TMEFF2: variants seen among roughly 807,000 people sequenced by gnomAD.
TMEFF2 encodes tomoregulin-2.
Under a neutral mutation model 53.8 loss-of-function variants are expected in TMEFF2, and 28 were observed. That is an observed-to-expected ratio of 0.52 (90% CI 0.39 to 0.71). The LOEUF (loss-of-function observed/expected upper bound fraction) is 0.71. TMEFF2 is among the 30% of genes least tolerant of loss of function. The pLI, the probability that TMEFF2 is intolerant of heterozygous loss-of-function variation, is 0.00. For missense variants in TMEFF2, 353 were observed against 455.2 expected (o/e 0.78, Z 2.04); for synonymous variants, 162 against 166.3 (o/e 0.97, Z 0.20).
intron 4 of TMEFF2, among the ~76,000 whole-genome samples, chr2:192,081,184 G>C (rs937536144): frequency 1.3e-5 from 2 of 152,194 alleles, no homozygotes; most frequent in African/African-American, 4.8e-5. Flanking sequence ...GTAGCAGCTT[G>C]CTGCATAGCT....
chr2:191,976,824 T>G (rs751246178), intron 7 of TMEFF2, among the ~76,000 whole-genome samples: 1 of 152,186 alleles, frequency 6.6e-6, no homozygotes, highest in African/African-American at 2.4e-5. Context: ...CTATACACAC[T>G]TATGAAGTAA....
chr2:192,100,202 C>T (rs1689002860), intron 4 of TMEFF2, among the ~76,000 whole-genome samples: 1 of 152,088 alleles, frequency 6.6e-6, no homozygotes, highest in East Asian at 1.9e-4. Flanking sequence ...TTAAAATACA[C>T]TGCGCACATT....
At chr2:192,075,310 T>TAA (rs1420069208) in intron 4 of TMEFF2, among the ~76,000 whole-genome samples, 19 of 74,894 alleles carry the variant, frequency 2.5e-4, no homozygotes, top group African/African-American at 4.4e-4. Flanking sequence ...TATATATATA[T>TAA]ATATATATAT....
intron 5 of TMEFF2, chr2:192,035,376 C>T (rs1380645358): frequency 6.6e-6 from 1 of 152,212 alleles, no homozygotes; most frequent in African/African-American, 2.4e-5. Context: ...AGCAGCATCC[C>T]ATAACACAGT....
At chr2:191,951,341 C>G (rs1442166675) in intron 9 of TMEFF2, among the ~76,000 whole-genome samples, 1 of 136,872 alleles carries the variant, frequency 7.3e-6, no homozygotes, top group Non-Finnish European at 1.7e-5. Context: ...TGAAACATGT[C>G]TCCAAATGTC....
At chr2:192,080,183 G>A (rs1688519898) in intron 4 of TMEFF2, among the ~76,000 whole-genome samples, 1 of 152,100 alleles carries the variant, frequency 6.6e-6, no homozygotes, top group Non-Finnish European at 1.5e-5. Flanking sequence ...CACATTTCTT[G>A]GACACTGATA....
At chr2:192,164,510 A>G (rs995098005) in intron 4 of TMEFF2, among the ~76,000 whole-genome samples, 2 of 152,116 alleles carry the variant, frequency 1.3e-5, no homozygotes. Context: ...CAGGTGGATC[A>G]CGAGGTCAGG....
intron 4 of TMEFF2, among the ~76,000 whole-genome samples, chr2:192,164,061 C>T (rs1474913680): frequency 2.0e-5 from 3 of 152,124 alleles, no homozygotes; most frequent in Non-Finnish European, 4.4e-5. Context: ...CCTACTCTTG[C>T]CTCATCTACA....
intron 7 of TMEFF2, among the ~76,000 whole-genome samples, chr2:191,983,583 A>G (rs762827408): frequency 6.6e-6 from 1 of 152,160 alleles, no homozygotes; most frequent in Non-Finnish European, 1.5e-5. Flanking sequence ...GCCTGGTAGA[A>G]TGATTATAAC....
chr2:192,152,503 T>C (rs1690412173), intron 4 of TMEFF2, among the ~76,000 whole-genome samples: 1 of 151,930 alleles, frequency 6.6e-6, no homozygotes, highest in Non-Finnish European at 1.5e-5. Flanking sequence ...GTAAAAGTAA[T>C]GAGTGGCCCC....
intron 4 of TMEFF2, among the ~76,000 whole-genome samples, chr2:192,091,489 A>G (rs538612923): frequency 2.2e-3 from 339 of 152,294 alleles, no homozygotes; most frequent in African/African-American, 7.9e-3. Flanking sequence ...AAAGAAAAAC[A>G]ATATTTACTT....
At chr2:191,974,759 T>A (rs1401609609) in intron 7 of TMEFF2, among the ~76,000 whole-genome samples, 1 of 152,134 alleles carries the variant, frequency 6.6e-6, no homozygotes, top group Admixed American at 6.6e-5. Context: ...TCAGTGTGGG[T>A]CATTGTAAGT....
chr2:192,127,838 G>A (rs1037570453), intron 4 of TMEFF2, among the ~76,000 whole-genome samples: 1 of 152,056 alleles, frequency 6.6e-6, no homozygotes, highest in Non-Finnish European at 1.5e-5. Context: ...TTAAAACTAC[G>A]TAAGAAATGT....
intron 4 of TMEFF2, among the ~76,000 whole-genome samples, chr2:192,088,222 C>T (rs1429542082): frequency 6.6e-6 from 1 of 151,610 alleles, no homozygotes; most frequent in Non-Finnish European, 1.5e-5. Flanking sequence ...TCCAAGGAAG[C>T]TAAATTGTGC....
intron 8 of TMEFF2, 149 bp downstream of exon 8, chr2:191,956,106 G>A: frequency 5.1e-6 from 3 of 587,840 alleles, no homozygotes; most frequent in Non-Finnish European, 8.3e-6. Context: ...GTGTGTATGT[G>A]TGTATGCATG....
rs1686299977 is a variant in TMEFF2 at position 191,999,283 on chromosome 2, A to G, written c.537-75T>C. On this transcript the variant is annotated intron_variant, in intron 5 of 9. Transcript: ENST00000272771. ...ACATTATAAATAAAACACAAATGAA[A>G]GAATTGCTAAGTTGACAAAATGCAA... is the stretch of plus-strand genomic sequence containing the variant. 1.2e-5 allele frequency: 15 copies of G among 1,301,722 alleles called. No individual in the cohort carries two copies. The South Asian group carries it at 3.0e-4, about 26-fold the overall frequency. 80.6% of individuals were successfully genotyped at this position (1,301,722 alleles called of 1,614,324 possible).
chr2:192,075,316 T>TATATAAATATAA (rs1688401533), intron 4 of TMEFF2, among the ~76,000 whole-genome samples: 1 of 120,572 alleles, frequency 8.3e-6, no homozygotes, highest in Non-Finnish European at 1.7e-5. Flanking sequence ...TATATATATA[T>TATATAAATATAA]ATATATATAT....
In TMEFF2 at chr2:192,036,739, C is replaced by T. The variant is rs566261516; in HGVS notation, c.536+20940G>A. 3.9e-5 allele frequency: 6 copies of T among 152,354 alleles called. No homozygotes were observed. The South Asian group carries it at 1.2e-3, about 32-fold the overall frequency. The allele number at this position is 152,354 out of a possible 1,614,324, so 9.4% of individuals were successfully genotyped here. A position where few individuals can be genotyped will look rare whatever the true frequency, so the allele number is the denominator to read the frequency against. ...TCCTTCAGCACACCAGGCTAATCCC[C>T]AGTCTTGCGCCTTTGGACCAGAGGT... On this transcript the variant is annotated intron_variant, in intron 5 of 9. Transcript: ENST00000272771.
intron 7 of TMEFF2, among the ~76,000 whole-genome samples, chr2:191,985,707 A>G (rs536758336): frequency 3.9e-5 from 6 of 152,234 alleles, no homozygotes; most frequent in Non-Finnish European, 8.8e-5. Flanking sequence ...ATTTGTTTCA[A>G]TACTACAGTA....
Sources: gnomAD v4.1 joint callset for allele counts (sites outside exome capture counted in the v4.1 genomes callset) on GRCh38, gnomAD v4.1.1 for gene constraint, MANE v1.5 for transcripts, NCBI Gene and HGNC (gene_info 2026-07-23, HGNC 2026-07-21) for gene names.